ANK2: variants seen among roughly 807,000 people sequenced by gnomAD.
ANK2 encodes the protein ankyrin 2, also known as ankyrin-2.
ANK2 carries 83 observed loss-of-function variants against 360.5 expected under a neutral mutation model. The observed-to-expected ratio is 0.23, with a 90% CI of 0.19 to 0.28. ANK2 has a LOEUF of 0.28. ANK2 is among the 10% of genes least tolerant of loss of function. The pLI is 1.00. For missense variants in ANK2, 4,201 were observed against 4,795.7 expected (o/e 0.88, Z 3.66); for synonymous variants, 1,740 against 1,759.5 (o/e 0.99, Z 0.28).
intron 4 of ANK2, among the ~76,000 whole-genome samples, chr4:113,218,255 A>G (rs1317476775): frequency 1.3e-5 from 2 of 152,238 alleles, no homozygotes; most frequent in Non-Finnish European, 1.5e-5. Context: ...TGAGAATAGC[A>G]TTATAATTCT....
At chr4:112,857,050 G>GT (rs2066611233) in intron 1 of ANK2, among the ~76,000 whole-genome samples, 1 of 143,526 alleles carries the variant, frequency 7.0e-6, no homozygotes, top group African/African-American at 2.6e-5. Flanking sequence ...GATATCAAGA[G>GT]TGGGGGATTC....
At chr4:112,728,307 A>G in the ANK2 span, among the ~76,000 whole-genome samples, 1 of 150,402 alleles carries the variant, frequency 6.6e-6, no homozygotes, top group Non-Finnish European at 1.5e-5. Flanking sequence ...AAAAAAAAAA[A>G]AAAAAAAAAA....
At chr4:112,724,311 G>T in the ANK2 span, among the ~76,000 whole-genome samples, 1 of 151,752 alleles carries the variant, frequency 6.6e-6, no homozygotes, top group Non-Finnish European at 1.5e-5. Flanking sequence ...GTGATCCGCC[G>T]CCCTCGGCCT....
At chr4:113,249,934 T>A (rs943057233) in intron 10 of ANK2, 72 bp downstream of exon 10, 20 of 1,392,644 alleles carry the variant, frequency 1.4e-5, no homozygotes, top group Non-Finnish European at 2.0e-5. Context: ...CTATTCTTTT[T>A]TAAATTGAAA....
intron 2 of ANK2, among the ~76,000 whole-genome samples, chr4:113,001,857 C>A (rs1190483481): frequency 2.0e-5 from 3 of 152,122 alleles, no homozygotes; most frequent in Non-Finnish European, 2.9e-5. Flanking sequence ...CAACAGCCTC[C>A]AGATGTGCAT....
chr4:112,884,127 A>T (rs2077586349), intron 1 of ANK2, among the ~76,000 whole-genome samples: 1 of 152,140 alleles, frequency 6.6e-6, no homozygotes, highest in African/African-American at 2.4e-5. Context: ...GTGATAAAAG[A>T]TTTTCAAATA....
At chr4:113,183,868 A>G (rs1314529893) in intron 2 of ANK2, among the ~76,000 whole-genome samples, 3 of 151,826 alleles carry the variant, frequency 2.0e-5, no homozygotes, top group Non-Finnish European at 4.4e-5. Context: ...AGAAGCTAAA[A>G]TCTTCAAGGG....
At chr4:113,000,097 C>T (rs7655703) in intron 2 of ANK2, among the ~76,000 whole-genome samples, 53,118 of 151,954 alleles carry the variant, frequency 0.35, 10,237 homozygotes, top group African/African-American at 0.53. Flanking sequence ...ATGGTTATAC[C>T]GCAGGGCTTA....
intron 1 of ANK2, among the ~76,000 whole-genome samples, chr4:113,126,903 G>C (rs774481561): frequency 2.0e-5 from 3 of 152,116 alleles, no homozygotes; most frequent in South Asian, 2.1e-4. Context: ...AAGGAAACTT[G>C]ATGATTAAGA....
Position 113,365,184 on chromosome 4 carries a change from T to TCAAA in ANK2, c.11032+4_11032+7dup, listed in dbSNP as rs1201721570. 1 of 1,601,518 alleles carries TCAAA rather than the reference T, an allele frequency of 6.2e-7. No individual in the cohort carries two copies. The highest frequency in any genetic ancestry group is 8.5e-7 in the Non-Finnish European group (1 of 1,176,334). Reference sequence around the variant, plus strand: ...CCATTACACTGGATCATAGTGAAGGTCAAACTGTGTGTGTGTATGTGTGTG... The same window carrying TCAAA: ...CCATTACACTGGATCATAGTGAAGGTCAAACAAACTGTGTGTGTGTATGTGTGTG... On this transcript the variant is annotated splice_region_variant and intron_variant, in intron 41 of 45. Transcript: ENST00000357077.
intron 11 of ANK2, among the ~76,000 whole-genome samples, chr4:113,257,067 A>G (rs1056732500): frequency 6.6e-6 from 1 of 152,204 alleles, no homozygotes; most frequent in South Asian, 2.1e-4. Context: ...TTATCACTCT[A>G]TTGTGAAAAA....
intron 13 of ANK2, among the ~76,000 whole-genome samples, chr4:113,260,813 A>G (rs1473258331): frequency 6.6e-6 from 1 of 152,198 alleles, no homozygotes; most frequent in Non-Finnish European, 1.5e-5. Flanking sequence ...GGATATAGCT[A>G]CTGGATCCAA....
the ANK2 span, among the ~76,000 whole-genome samples, chr4:112,779,710 C>T: frequency 3.3e-5 from 5 of 152,112 alleles, no homozygotes; most frequent in Non-Finnish European, 5.9e-5. Context: ...GTTTTATGGA[C>T]GCATTCACAC....
In ANK2 at chr4:113,009,655, A is replaced by G. The variant is rs548502319; in HGVS notation, c.21+105141A>G. Among the ~76,000 whole-genome samples, 29 of 152,226 alleles carry G rather than the reference A, an allele frequency of 1.9e-4. No homozygotes were observed. In the South Asian group the frequency reaches 5.0e-3, roughly 26 times the overall value. On this transcript the variant is annotated intron_variant, in intron 2 of 30. Transcript: ENST00000503271. ...AGCTGGGTCAGAGGACCCACAGGGC[A>G]TATTCTCTGGCTCAGTGTTGGACCA...
chr4:112,724,953 T>C, the ANK2 span, among the ~76,000 whole-genome samples: 3 of 152,170 alleles, frequency 2.0e-5, no homozygotes, highest in Admixed American at 2.0e-4. Context: ...ATGTGGCATA[T>C]ACATACAGTG....
intron 1 of ANK2, among the ~76,000 whole-genome samples, chr4:112,899,616 C>A (rs2082708342): frequency 6.6e-6 from 1 of 152,144 alleles, no homozygotes; most frequent in Non-Finnish European, 1.5e-5. Context: ...ATTACTTCTT[C>A]TGCATTTCTA....
At chr4:112,738,020 A>T in the ANK2 span, among the ~76,000 whole-genome samples, 10 of 152,346 alleles carry the variant, frequency 6.6e-5, no homozygotes, top group African/African-American at 2.4e-4. Flanking sequence ...AGCAACCTTG[A>T]TGTATAAGAG....
intron 1 of ANK2, among the ~76,000 whole-genome samples, chr4:113,159,191 C>CCACACACACACACACA (rs57967546): frequency 2.1e-5 from 3 of 142,032 alleles, no homozygotes; most frequent in Admixed American, 1.4e-4. Context: ...CTCTTTCCTT[C>CCACACACACACACACA]CACACACACA....
At chr4:113,340,925 A>G (rs1023495936) in intron 32 of ANK2, among the ~76,000 whole-genome samples, 1 of 152,134 alleles carries the variant, frequency 6.6e-6, no homozygotes, top group African/African-American at 2.4e-5. Flanking sequence ...AAATATTTCC[A>G]TCTAATGACC....
Sources: gnomAD v4.1 joint callset for allele counts (sites outside exome capture counted in the v4.1 genomes callset) on GRCh38, gnomAD v4.1.1 for gene constraint, MANE v1.5 for transcripts, NCBI Gene and HGNC (gene_info 2026-07-23, HGNC 2026-07-21) for gene names.